RGS6: variants seen among roughly 807,000 people sequenced by gnomAD.
RGS6 encodes the protein regulator of G protein signaling 6.
RGS6 carries 30 observed loss-of-function variants against 78.5 expected under a neutral mutation model. The ratio of observed to expected loss-of-function variants is 0.38; its 90% CI spans 0.29 to 0.52. The LOEUF is 0.52. RGS6 is among the 20% of genes least tolerant of loss of function. The pLI, the probability that RGS6 is intolerant of heterozygous loss-of-function variation, is 0.85. For missense variants in RGS6, 495 were observed against 609.7 expected, an observed-to-expected ratio of 0.81 and a Z score of 1.98; for synonymous variants, 206 against 206.0, an observed-to-expected ratio of 1.00 and a Z score of 0.00.
chr14:72,300,044 T>C (rs780232912), intron 2 of RGS6, among the ~76,000 whole-genome samples: 4 of 152,190 alleles, frequency 2.6e-5, no homozygotes, highest in Non-Finnish European at 5.9e-5. Flanking sequence ...TTTAATTTGC[T>C]CCTCAGATTA....
intron 13 of RGS6, among the ~76,000 whole-genome samples, chr14:72,501,151 A>G (rs1045150083): frequency 1.1e-4 from 16 of 152,068 alleles, no homozygotes; most frequent in Admixed American, 6.6e-5. Context: ...CAGGCTCGTT[A>G]TGATTTCCAG....
intron 2 of RGS6, among the ~76,000 whole-genome samples, chr14:72,066,808 ATTTTTTT>A (rs60072172): frequency 2.8e-5 from 4 of 140,768 alleles, no homozygotes; most frequent in African/African-American, 1.0e-4. Context: ...TTTAGAGGCA[ATTTTTTT>A]TTTTTTTTTG....
At chr14:72,137,776 T>C (rs1181522688) in intron 2 of RGS6, among the ~76,000 whole-genome samples, 1 of 152,218 alleles carries the variant, frequency 6.6e-6, no homozygotes, top group African/African-American at 2.4e-5. Flanking sequence ...ATGACATGCA[T>C]GTGTTTTTGT....
intron 2 of RGS6, among the ~76,000 whole-genome samples, chr14:72,295,203 A>C (rs847335): frequency 4.7e-5 from 7 of 149,202 alleles, no homozygotes; most frequent in Non-Finnish European, 8.9e-5. Flanking sequence ...AGGCAGGAGA[A>C]TGGCGTGAAC....
At chr14:71,887,995 G>A in the RGS6 span, among the ~76,000 whole-genome samples, 19 of 152,214 alleles carry the variant, frequency 1.2e-4, 1 homozygote, top group African/African-American at 2.6e-4. Context: ...CGGGCATCAC[G>A]GTCCTACCGA....
chr14:72,131,652 T>C (rs963993985), intron 2 of RGS6, among the ~76,000 whole-genome samples: 2 of 152,194 alleles, frequency 1.3e-5, no homozygotes, highest in African/African-American at 2.4e-5. Context: ...AACTGTGCCT[T>C]GAAGATAACT....
chr14:72,000,923 C>T (rs2083302205), intron 2 of RGS6, among the ~76,000 whole-genome samples: 1 of 152,150 alleles, frequency 6.6e-6, no homozygotes, highest in Admixed American at 6.5e-5. Flanking sequence ...TGGATTAATT[C>T]TTCAGTGCCA....
intron 11 of RGS6, 64 bp downstream of exon 11, chr14:72,476,904 T>C (rs2096253328): frequency 1.4e-6 from 2 of 1,383,614 alleles, no homozygotes; most frequent in Non-Finnish European, 2.0e-6. Flanking sequence ...CCCTTTCAAA[T>C]GTTCAACTCT....
intron 2 of RGS6, among the ~76,000 whole-genome samples, chr14:72,281,380 C>T (rs988870098): frequency 2.2e-4 from 34 of 151,988 alleles, no homozygotes; most frequent in African/African-American, 7.5e-4. Context: ...AACTGCTGAC[C>T]TCAGGTGATC....
the RGS6 span, among the ~76,000 whole-genome samples, chr14:71,897,966 T>G: frequency 6.6e-6 from 1 of 152,192 alleles, no homozygotes; most frequent in African/African-American, 2.4e-5. Flanking sequence ...GCTTTATTTT[T>G]TATTTTAATT....
intron 2 of RGS6, among the ~76,000 whole-genome samples, chr14:72,053,928 A>G (rs773946196): frequency 3.3e-5 from 5 of 152,244 alleles, no homozygotes; most frequent in Admixed American, 6.5e-5. Flanking sequence ...TTTCTAGTGG[A>G]AAAGAACTAA....
chr14:72,155,889 C>T (rs1041838233), intron 2 of RGS6, among the ~76,000 whole-genome samples: 1 of 152,228 alleles, frequency 6.6e-6, no homozygotes, highest in Non-Finnish European at 1.5e-5. Context: ...AGGCTGGGAC[C>T]TCAGCTCTAT....
At chr14:72,412,404 G>A (rs921222241) in intron 3 of RGS6, among the ~76,000 whole-genome samples, 4 of 152,178 alleles carry the variant, frequency 2.6e-5, no homozygotes, top group African/African-American at 9.6e-5. Flanking sequence ...TGTGGGATCA[G>A]TGGTGATATC....
intron 12 of RGS6, among the ~76,000 whole-genome samples, chr14:72,486,722 C>A (rs1226172924): frequency 4.6e-5 from 7 of 152,196 alleles, no homozygotes; most frequent in African/African-American, 1.4e-4. Flanking sequence ...TAGATCTTAT[C>A]CTATGTGGCC....
rs565857969 is a variant in RGS6 at position 72,281,701 on chromosome 14, C to G, written c.85-70394C>G. Among the ~76,000 whole-genome samples the G allele has an allele frequency of 3.3e-5, 5 of 152,244 alleles. No individual in the cohort carries two copies. The South Asian group carries it at 1.0e-3, about 32-fold the overall frequency. ...GATCTCTGAAAATCTGGAGGAAGCC[C>G]TTTCTAGGAGAAGGAACACACAAGC... On this transcript the variant is annotated intron_variant, in intron 2 of 17. Transcript: ENST00000553525.
At chr14:72,146,806 G>A (rs2096612794) in intron 2 of RGS6, among the ~76,000 whole-genome samples, 1 of 152,114 alleles carries the variant, frequency 6.6e-6, no homozygotes, top group East Asian at 1.9e-4. Context: ...TTACAAATTT[G>A]TCTTTAAATC....
chr14:72,362,936 G>A (rs913269004), intron 3 of RGS6, among the ~76,000 whole-genome samples: 1 of 152,184 alleles, frequency 6.6e-6, no homozygotes, highest in African/African-American at 2.4e-5. Flanking sequence ...TCCACGTAGA[G>A]AAAATAGAAT....
intron 2 of RGS6, among the ~76,000 whole-genome samples, chr14:72,293,204 C>T (rs1039858270): frequency 6.6e-6 from 1 of 152,148 alleles, no homozygotes; most frequent in African/African-American, 2.4e-5. Flanking sequence ...GTCAGAACCT[C>T]CCATCTGTCT....
chr14:72,069,459 C>G (rs908153703), intron 2 of RGS6, among the ~76,000 whole-genome samples: 1 of 151,980 alleles, frequency 6.6e-6, no homozygotes, highest in African/African-American at 2.4e-5. Context: ...GTTTTAACTC[C>G]CGTTTTCCTC....
Sources: allele counts gnomAD v4.1 joint callset (sites outside exome capture counted in the v4.1 genomes callset), GRCh38; gene constraint gnomAD v4.1.1; transcripts MANE v1.5; gene names NCBI Gene and HGNC (gene_info 2026-07-23, HGNC 2026-07-21).